PDIA5: variants seen among roughly 807,000 people sequenced by gnomAD.
The protein encoded by PDIA5 is protein disulfide isomerase family A member 5.
PDIA5 carries 58 observed loss-of-function variants against 77.6 expected under a neutral mutation model. The observed-to-expected ratio is 0.75, with a 90% CI of 0.61 to 0.93. The LOEUF (loss-of-function observed/expected upper bound fraction) is 0.93. PDIA5 is among the 40% of genes least tolerant of loss of function. The pLI is 0.00. For missense variants in PDIA5, 630 were observed against 647.7 expected (o/e 0.97, Z 0.30); for synonymous variants, 250 against 252.1 (o/e 0.99, Z 0.08).
chr3:123,125,304 T>C (rs1320944340), intron 10 of PDIA5, among the ~76,000 whole-genome samples: 1 of 152,260 alleles, frequency 6.6e-6, no homozygotes, highest in African/African-American at 2.4e-5. Flanking sequence ...CTAAGCACTT[T>C]ACATGGATTC....
Position 123,101,071 on chromosome 3 carries a change from T to A in PDIA5, c.258-1340T>A, listed in dbSNP as rs528421636. On this transcript the variant is annotated intron_variant, in intron 3 of 16. Transcript: ENST00000316218. Reference sequence around the variant, plus strand: ...TCTGACTGGCTGAGTGCAGGCAGGATGGGGAAGCTGTTGAGAACAGGTCAG... The same window carrying A: ...TCTGACTGGCTGAGTGCAGGCAGGAAGGGGAAGCTGTTGAGAACAGGTCAG... Among the ~76,000 whole-genome samples the A allele has an allele frequency of 6.2e-4, 95 of 152,116 alleles. 4 individuals are homozygous for A. In the South Asian group the frequency reaches 0.02, roughly 31 times the overall value.
At chr3:123,089,845 G>C (rs987718987) in intron 2 of PDIA5, among the ~76,000 whole-genome samples, 2 of 152,242 alleles carry the variant, frequency 1.3e-5, no homozygotes, top group African/African-American at 4.8e-5. Context: ...GCATTTCTTG[G>C]GGGCAGGAGC....
Position 123,146,086 on chromosome 3 carries a change from TC to T in PDIA5, c.982-8del. On this transcript the variant is annotated splice_polypyrimidine_tract_variant and intron_variant, in intron 12 of 16. Transcript: ENST00000316218. ...GAGGCTGTAATGCATGGTTGGCCTT[TC>T]CCCCATCCCAGAGCTCTGGTGTCCT... is the stretch of plus-strand genomic sequence containing the variant. 6.2e-7 allele frequency: 1 copy of T among 1,613,610 alleles called. No individual in the cohort carries two copies. The highest frequency in any genetic ancestry group is 8.5e-7 in the Non-Finnish European group (1 of 1,179,734).
intron 14 of PDIA5, among the ~76,000 whole-genome samples, chr3:123,154,407 T>G (rs1376236180): frequency 2.0e-5 from 3 of 152,120 alleles, no homozygotes; most frequent in Admixed American, 1.3e-4. Context: ...GATGGAGACC[T>G]GGGGACCAGG....
intron 11 of PDIA5, among the ~76,000 whole-genome samples, chr3:123,132,559 C>T (rs2107967899): frequency 6.6e-6 from 1 of 152,328 alleles, no homozygotes; most frequent in African/African-American, 2.4e-5. Context: ...AGGGCGTCTG[C>T]CTCAGGTCTG....
At chr3:123,067,294 C>A (rs1398119892) in intron 1 of PDIA5, 88 bp downstream of exon 1, 2 of 1,116,282 alleles carry the variant, frequency 1.8e-6, no homozygotes, top group Non-Finnish European at 2.3e-6. Flanking sequence ...CTCTGCGGAA[C>A]GTGCGGGGAG....
In PDIA5 at chr3:123,158,646, G is replaced by A. The variant is rs564489623; in HGVS notation, c.1345-2675G>A. Among the ~76,000 whole-genome samples, 10 of 152,308 alleles carry A rather than the reference G, an allele frequency of 6.6e-5. No homozygotes were observed. In the South Asian group the frequency reaches 8.3e-4, roughly 13 times the overall value. On this transcript the variant is annotated intron_variant, in intron 15 of 16. Coordinates refer to ENST00000316218, the MANE Select transcript of PDIA5 (RefSeq NM_006810.4). ...GACCCCCATCTGTCATTGGCCTTAC[G>A]TCCAGCTCCTTGAGGCTGGGAGGAT...
intron 2 of PDIA5, among the ~76,000 whole-genome samples, chr3:123,089,828 G>A (rs563363402): frequency 1.3e-5 from 2 of 152,314 alleles, no homozygotes; most frequent in East Asian, 3.9e-4. Context: ...TCTAAGCTTG[G>A]GTCACAGCAT....
intron 1 of PDIA5, among the ~76,000 whole-genome samples, chr3:123,078,221 C>A (rs890040962): frequency 2.0e-5 from 3 of 152,180 alleles, no homozygotes; most frequent in African/African-American, 4.8e-5. Context: ...ATGAAAAAAA[C>A]CAAACCACGC....
chr3:123,079,269 C>T (rs1933932376), intron 1 of PDIA5, among the ~76,000 whole-genome samples: 1 of 150,432 alleles, frequency 6.6e-6, no homozygotes, highest in Non-Finnish European at 1.5e-5. Flanking sequence ...CAAGCTCCGC[C>T]TCCTGGGTTC....
At chr3:123,122,740 C>T (rs1476728556) in intron 8 of PDIA5, among the ~76,000 whole-genome samples, 1 of 152,210 alleles carries the variant, frequency 6.6e-6, no homozygotes, top group Non-Finnish European at 1.5e-5. Context: ...TCACATGACT[C>T]ATAAGTGGAA....
At chr3:123,089,370 G>A (rs1934229155) in intron 2 of PDIA5, 76 bp downstream of exon 2, 15 of 1,477,146 alleles carry the variant, frequency 1.0e-5, no homozygotes, top group Non-Finnish European at 1.4e-5. Flanking sequence ...GGAGGCAGGA[G>A]ACGTTAGGAT....
intron 5 of PDIA5, among the ~76,000 whole-genome samples, chr3:123,105,655 CG>C (rs1441127082): frequency 1.9e-4 from 29 of 152,222 alleles, no homozygotes; most frequent in African/African-American, 7.0e-4. Context: ...AGGTCCTCTC[CG>C]TGTGTGACCA....
At chr3:123,074,811 C>A (rs1933808434) in intron 1 of PDIA5, among the ~76,000 whole-genome samples, 1 of 152,178 alleles carries the variant, frequency 6.6e-6, no homozygotes, top group Admixed American at 6.5e-5. Flanking sequence ...ATAAAGATGT[C>A]ATTTTTCTCC....
intron 11 of PDIA5, among the ~76,000 whole-genome samples, chr3:123,136,512 G>A (rs536787513): frequency 4.6e-5 from 7 of 152,148 alleles, no homozygotes; most frequent in Middle Eastern, 3.4e-3. Context: ...AGGCCAAGGC[G>A]GGTGGATCAT....
chr3:123,158,397 C>A (rs1342947816), intron 15 of PDIA5, among the ~76,000 whole-genome samples: 1 of 152,058 alleles, frequency 6.6e-6, no homozygotes, highest in East Asian at 1.9e-4. Context: ...AGAAGCAGAC[C>A]CTGCTCCTGG....
At chr3:123,148,537 C>G (rs1406868253) in intron 13 of PDIA5, among the ~76,000 whole-genome samples, 1 of 151,424 alleles carries the variant, frequency 6.6e-6, no homozygotes, top group Admixed American at 6.6e-5. Context: ...CCATTGTACT[C>G]CAGCCTCAGC....
chr3:123,120,883 G>T (rs1935099290), intron 8 of PDIA5, among the ~76,000 whole-genome samples: 1 of 151,650 alleles, frequency 6.6e-6, no homozygotes, highest in Admixed American at 6.6e-5. Flanking sequence ...CACCAGCCCT[G>T]TCCAGTGGGC....
chr3:123,067,362 A>T, intron 1 of PDIA5, 156 bp downstream of exon 1: 1 of 627,660 alleles, frequency 1.6e-6, no homozygotes, highest in Non-Finnish European at 2.3e-6. Flanking sequence ...ACTGGGTGCT[A>T]CGCGGGAGAC....
Sources: allele counts gnomAD v4.1 joint callset (sites outside exome capture counted in the v4.1 genomes callset), GRCh38; gene constraint gnomAD v4.1.1; transcripts MANE v1.5; gene names NCBI Gene and HGNC (gene_info 2026-07-23, HGNC 2026-07-21).